SCHIP1: variants seen among roughly 807,000 people sequenced by gnomAD.
SCHIP1 encodes schwannomin interacting protein 1, also known as schwannomin-interacting protein 1.
SCHIP1 carries 8 observed loss-of-function variants against 29.7 expected under a neutral mutation model. That is an observed-to-expected ratio of 0.27 (90% CI 0.16 to 0.49). SCHIP1 has a LOEUF of 0.49. Ranked by LOEUF, SCHIP1 falls within the 20% of genes least tolerant of loss-of-function variation. The pLI is 0.99. For missense variants in SCHIP1, 193 were observed against 294.6 expected (o/e 0.66, Z 2.52); for synonymous variants, 76 against 94.9 (o/e 0.80, Z 1.16).
chr3:159,774,218 T>C, the SCHIP1 span, among the ~76,000 whole-genome samples: 4 of 152,180 alleles, frequency 2.6e-5, no homozygotes, highest in African/African-American at 9.7e-5. Context: ...ATCATTCTCC[T>C]TCACTTACCA....
the SCHIP1 span, among the ~76,000 whole-genome samples, chr3:159,387,683 T>A: frequency 6.6e-6 from 1 of 152,212 alleles, no homozygotes; most frequent in African/African-American, 2.4e-5. Flanking sequence ...AACTCTGCCA[T>A]TGCAGTGCAT....
At chr3:159,728,780 G>A in the SCHIP1 span, among the ~76,000 whole-genome samples, 1 of 152,192 alleles carries the variant, frequency 6.6e-6, no homozygotes, top group Admixed American at 6.5e-5. Context: ...GAAATAGTGG[G>A]GGACAGTTAG....
chr3:159,781,951 A>G, the SCHIP1 span, among the ~76,000 whole-genome samples: 2 of 152,222 alleles, frequency 1.3e-5, no homozygotes, highest in Admixed American at 6.5e-5. Context: ...AATAATAGCT[A>G]TTATGTATTG....
the SCHIP1 span, among the ~76,000 whole-genome samples, chr3:159,664,958 C>A: frequency 1.1e-4 from 17 of 152,312 alleles, no homozygotes; most frequent in South Asian, 2.1e-4. Flanking sequence ...GTGCTTTATA[C>A]AAGCCCTCTG....
the SCHIP1 span, among the ~76,000 whole-genome samples, chr3:159,709,255 G>A: frequency 6.6e-6 from 1 of 152,166 alleles, no homozygotes; most frequent in Non-Finnish European, 1.5e-5. Context: ...AGAGTAACAT[G>A]AGGGATTCTT....
At chr3:159,339,255 T>TAA in the SCHIP1 span, among the ~76,000 whole-genome samples, 26 of 138,656 alleles carry the variant, frequency 1.9e-4, no homozygotes, top group East Asian at 1.9e-3. Flanking sequence ...TCATTAGAAT[T>TAA]AAAAAAAAAA....
At chr3:159,344,005 G>T in the SCHIP1 span, among the ~76,000 whole-genome samples, 1 of 152,098 alleles carries the variant, frequency 6.6e-6, no homozygotes, top group African/African-American at 2.4e-5. Flanking sequence ...AACAAGATAG[G>T]TTACTTAGTA....
At chr3:159,540,029 T>TA in the SCHIP1 span, among the ~76,000 whole-genome samples, 1 of 152,072 alleles carries the variant, frequency 6.6e-6, no homozygotes, top group African/African-American at 2.4e-5. Context: ...GATACAGGTA[T>TA]AATCTTTCTT....
chr3:159,689,048 T>C, the SCHIP1 span, among the ~76,000 whole-genome samples: 188 of 152,336 alleles, frequency 1.2e-3, no homozygotes, highest in African/African-American at 4.5e-3. Flanking sequence ...TCCAGCTTTG[T>C]TCTTTTTGCT....
chr3:159,618,523 A>G, the SCHIP1 span, among the ~76,000 whole-genome samples: 2 of 152,246 alleles, frequency 1.3e-5, no homozygotes, highest in Non-Finnish European at 2.9e-5. Context: ...CTGAAAATCT[A>G]CGGAAGAAAA....
At chr3:159,360,684 T>C in the SCHIP1 span, among the ~76,000 whole-genome samples, 1 of 152,242 alleles carries the variant, frequency 6.6e-6, no homozygotes, top group Non-Finnish European at 1.5e-5. Context: ...TTCTGTTCAT[T>C]CTTTGTGACA....
chr3:159,315,292 G>A, the SCHIP1 span, among the ~76,000 whole-genome samples: 126 of 150,120 alleles, frequency 8.4e-4, 1 homozygote, highest in Middle Eastern at 6.8e-3. Flanking sequence ...TCCGCCTCCC[G>A]GGTTCACGCC....
intron 6 of SCHIP1, chr3:159,894,215 C>T (rs1717839779): frequency 6.6e-6 from 1 of 152,204 alleles, no homozygotes; most frequent in East Asian, 1.9e-4. Context: ...AATTCTCACG[C>T]ACAGCCAAAT....
chr3:159,684,017 T>C, the SCHIP1 span, among the ~76,000 whole-genome samples: 4 of 152,108 alleles, frequency 2.6e-5, no homozygotes, highest in African/African-American at 9.7e-5. Context: ...AGAGACTGCC[T>C]CTCCCAGGGC....
At chr3:159,748,418 G>T in the SCHIP1 span, among the ~76,000 whole-genome samples, 3 of 152,304 alleles carry the variant, frequency 2.0e-5, no homozygotes, top group African/African-American at 4.8e-5. Context: ...TCAAAGAAAA[G>T]AATTATATAA....
intron 2 of SCHIP1, among the ~76,000 whole-genome samples, chr3:159,878,805 A>G (rs900871680): frequency 1.3e-5 from 2 of 149,158 alleles, no homozygotes; most frequent in African/African-American, 4.9e-5. Context: ...AAATAAAAAA[A>G]TAAAAAAATA....
At chr3:159,814,445 C>G in the SCHIP1 span, among the ~76,000 whole-genome samples, 1 of 152,232 alleles carries the variant, frequency 6.6e-6, no homozygotes, top group African/African-American at 2.4e-5. Context: ...TTCTAGGCAA[C>G]AGGAAATGCC....
At chr3:159,692,052 C>G in the SCHIP1 span, among the ~76,000 whole-genome samples, 2 of 126,626 alleles carry the variant, frequency 1.6e-5, no homozygotes, top group African/African-American at 3.1e-5. Flanking sequence ...GACGGAGTCT[C>G]GCTCTGTCGC....
the SCHIP1 span, among the ~76,000 whole-genome samples, chr3:159,576,213 C>A: frequency 6.6e-6 from 1 of 152,184 alleles, no homozygotes; most frequent in East Asian, 1.9e-4. Flanking sequence ...AATATCACTT[C>A]ATATCCCATA....
Sources: gnomAD v4.1 joint callset for allele counts (sites outside exome capture counted in the v4.1 genomes callset) on GRCh38, gnomAD v4.1.1 for gene constraint, MANE v1.5 for transcripts, NCBI Gene and HGNC (gene_info 2026-07-23, HGNC 2026-07-21) for gene names.